PUS7: variants seen among roughly 807,000 people sequenced by gnomAD.
The protein encoded by PUS7 is pseudouridylate synthase 7 homolog.
A neutral mutation model predicts 79.8 loss-of-function variants in PUS7; 48 were observed. That is an observed-to-expected ratio of 0.60 (90% CI 0.48 to 0.76). The LOEUF is 0.76. PUS7 is among the 30% of genes least tolerant of loss of function. The pLI is 0.00. For synonymous variants in PUS7, 286 were observed against 272.2 expected, an observed-to-expected ratio of 1.05 and a Z score of -0.50; for missense variants, 729 against 797.6, an observed-to-expected ratio of 0.91 and a Z score of 1.04.
At chr7:105,466,405 G>A (rs2133056951) in intron 12 of PUS7, among the ~76,000 whole-genome samples, 1 of 151,918 alleles carries the variant, frequency 6.6e-6, no homozygotes, top group East Asian at 2.0e-4. Context: ...CTGTAAGTGT[G>A]TGCTACTACG....
chr7:105,513,452 T>C (rs1825773282), intron 1 of PUS7, among the ~76,000 whole-genome samples: 1 of 152,232 alleles, frequency 6.6e-6, no homozygotes, highest in Non-Finnish European at 1.5e-5. Context: ...TTTCTTTCTC[T>C]GTAAAAGTAA....
At chr7:105,463,620 T>C (rs1823520927) in intron 13 of PUS7, among the ~76,000 whole-genome samples, 1 of 149,406 alleles carries the variant, frequency 6.7e-6, no homozygotes, top group Admixed American at 6.9e-5. Context: ...TTTACATTTA[T>C]TCCTATTAAA....
At chr7:105,513,810 C>T (rs1394177213) in intron 1 of PUS7, among the ~76,000 whole-genome samples, 3 of 141,656 alleles carry the variant, frequency 2.1e-5, no homozygotes, top group African/African-American at 7.8e-5. Context: ...TGCACTCCAG[C>T]CTGGGTGACA....
intron 11 of PUS7, among the ~76,000 whole-genome samples, 169 bp from the exon 12 acceptor site, chr7:105,468,632 C>T (rs1024382000): frequency 1.3e-5 from 2 of 151,796 alleles, no homozygotes; most frequent in South Asian, 2.1e-4. Flanking sequence ...ATTCTCCCAC[C>T]TCAGCCTACA....
chr7:105,495,322 G>A (rs1270474560), intron 5 of PUS7, 69 bp from the exon 6 acceptor site: 22 of 891,716 alleles, frequency 2.5e-5, no homozygotes, highest in South Asian at 1.3e-4. Context: ...CTCATTTTTC[G>A]CTATAGAACC....
intron 11 of PUS7, 59 bp from the exon 12 acceptor site, chr7:105,468,522 C>A (rs1396738678): frequency 4.3e-6 from 5 of 1,171,108 alleles, no homozygotes; most frequent in African/African-American, 3.2e-5. Flanking sequence ...AAGTGCTGTA[C>A]TTTTTTTTTT....
intron 4 of PUS7, among the ~76,000 whole-genome samples, chr7:105,503,107 A>T (rs1825321306): frequency 6.6e-6 from 1 of 152,146 alleles, no homozygotes; most frequent in African/African-American, 2.4e-5. Flanking sequence ...CATTTTATTT[A>T]ATCTTTGTAA....
At chr7:105,518,718 A>C (rs1197504216) in intron 1 of PUS7, among the ~76,000 whole-genome samples, 1 of 151,956 alleles carries the variant, frequency 6.6e-6, no homozygotes, top group African/African-American at 2.4e-5. Flanking sequence ...ATTCCTCCAA[A>C]ATAAACATCA....
Position 105,474,612 on chromosome 7 carries a change from CAAAAAAAAAAA to C in PUS7, c.1176-2430_1176-2420del, listed in dbSNP as rs10540161. On this transcript the variant is annotated intron_variant, in intron 9 of 15. Transcript: ENST00000469408. Reference sequence around the variant, plus strand: ...TGAAACCCCATCTCTACTAAAAATACAAAAAAAAAAAAAAAAAAAATAATCGGGCGTGGTGG... The same window carrying C: ...TGAAACCCCATCTCTACTAAAAATACAAAAAAAAATAATCGGGCGTGGTGG... 6.3e-5 allele frequency among the ~76,000 whole-genome samples: 8 copies of C among 126,420 alleles called. No homozygotes were observed. In the East Asian group the frequency reaches 1.6e-3, roughly 26 times the overall value. 82.9% of individuals were successfully genotyped at this position (126,420 alleles called of 152,430 possible). A position where few individuals can be genotyped will look rare whatever the true frequency, so the allele number is the denominator to read the frequency against.
In PUS7 at chr7:105,520,087, G is replaced by C. The variant is rs563913152; in HGVS notation, c.-33+1965C>G. 9.8e-5 allele frequency among the ~76,000 whole-genome samples: 15 copies of C among 152,338 alleles called. No homozygotes were observed. The South Asian group carries it at 2.9e-3, about 29-fold the overall frequency. On this transcript the variant is annotated intron_variant, in intron 1 of 15. Transcript: ENST00000469408. ...GCCTGTAATCCCAGCACTTCGGAAG[G>C]CTGAGGCGGGTGGATCACCTGAAGT...
chr7:105,459,682 C>T (rs879302668), intron 14 of PUS7, among the ~76,000 whole-genome samples: 8 of 151,970 alleles, frequency 5.3e-5, no homozygotes, highest in Non-Finnish European at 1.0e-4. Context: ...AGGTGATCCA[C>T]CCGCCACAGT....
intron 5 of PUS7, among the ~76,000 whole-genome samples, chr7:105,499,741 T>C (rs765197894): frequency 8.5e-5 from 13 of 152,188 alleles, no homozygotes; most frequent in Non-Finnish European, 1.9e-4. Context: ...AGGTTAAGAA[T>C]ATTGTGAATC....
Position 105,478,612 on chromosome 7 carries a change from A to G in PUS7, c.1175+2440T>C, listed in dbSNP as rs976535827. Among the ~76,000 whole-genome samples, 6 of 152,306 alleles carry G rather than the reference A, an allele frequency of 3.9e-5. No individual in the cohort carries two copies. In the East Asian group the frequency reaches 7.7e-4, roughly 20 times the overall value. Reference sequence around the variant, plus strand: ...ATTGGCCATTTGATTACATTATTTAAAGAAAGGTCTGTTCAGACCCTTTGC... The same window carrying G: ...ATTGGCCATTTGATTACATTATTTAGAGAAAGGTCTGTTCAGACCCTTTGC... On this transcript the variant is annotated intron_variant, in intron 9 of 15. Transcript: ENST00000469408.
intron 6 of PUS7, among the ~76,000 whole-genome samples, chr7:105,492,052 CAAAAAA>C (rs368940149): frequency 8.5e-6 from 1 of 117,180 alleles, no homozygotes; most frequent in Non-Finnish European, 1.7e-5. Flanking sequence ...GACTCCGTCT[CAAAAAA>C]AAAAAAAAAA....
chr7:105,463,083 G>A (rs926973425), intron 13 of PUS7, among the ~76,000 whole-genome samples: 1 of 152,182 alleles, frequency 6.6e-6, no homozygotes, highest in African/African-American at 2.4e-5. Context: ...AGAGTTGGAA[G>A]ACAGCATATA....
At chr7:105,460,853 C>CAAAAAAAAA (rs55923593) in intron 14 of PUS7, among the ~76,000 whole-genome samples, 5 of 83,566 alleles carry the variant, frequency 6.0e-5, no homozygotes, top group Non-Finnish European at 1.1e-4. Context: ...GACTCCGTCT[C>CAAAAAAAAA]AAAAAAAAAA....
chr7:105,481,143 C>A lies in PUS7; in HGVS notation c.1084G>T (p.Ala362Ser). 1 of 1,611,256 alleles carries A rather than the reference C, an allele frequency of 6.2e-7. No homozygotes were observed. The highest frequency in any genetic ancestry group is 1.1e-5 in the South Asian group (1 of 90,330). Residue 362 changes from alanine (A) to serine (S), a missense_variant, in exon 9 of 16, where the codon GCT becomes TCT. Transcript: ENST00000469408. Reference protein sequence around the residue: ...ITGTDDQVQQAMNSLKEIGFI... With the variant: ...ITGTDDQVQQSMNSLKEIGFI... ...CCAATCTCCTTGAGAGAGTTCATAG[C>A]TTGCTGTACTTGGTCATCAGTTCCT...
intron 14 of PUS7, among the ~76,000 whole-genome samples, chr7:105,461,961 T>C (rs898042895): frequency 1.3e-5 from 2 of 151,812 alleles, no homozygotes; most frequent in East Asian, 3.9e-4. Flanking sequence ...GAGGATTGCT[T>C]GAGCAGAGGA....
Position 105,481,044 on chromosome 7 carries a change from A to C in PUS7, c.1175+8T>G. 1.2e-6 allele frequency: 2 copies of C among 1,602,964 alleles called. No individual in the cohort carries two copies. The highest frequency in any genetic ancestry group is 1.7e-6 in the Non-Finnish European group (2 of 1,176,434). ...AGCTATTTTTGATAAAAGAAATTAA[A>C]TACCAACCTTCCAACCTGATACGTA... is the stretch of plus-strand genomic sequence containing the variant. On this transcript the variant is annotated splice_region_variant and intron_variant, in intron 9 of 15. Transcript: ENST00000469408.
Sources: allele counts gnomAD v4.1 joint callset (sites outside exome capture counted in the v4.1 genomes callset), GRCh38; gene constraint gnomAD v4.1.1; transcripts MANE v1.5; gene names NCBI Gene and HGNC (gene_info 2026-07-23, HGNC 2026-07-21).